Variants in CCNY observed in about 807,000 individuals in gnomAD.
CCNY encodes cyclin-Y.
In CCNY, 19 loss-of-function variants were observed where a neutral mutation model predicts 42.8. The ratio of observed to expected loss-of-function variants is 0.44; its 90% CI spans 0.31 to 0.65. The LOEUF (loss-of-function observed/expected upper bound fraction) is 0.65. CCNY is among the 30% of genes least tolerant of loss of function. CCNY has a pLI of 0.07. For synonymous variants in CCNY, 165 were observed against 162.7 expected, an observed-to-expected ratio of 1.01 and a Z score of -0.11; for missense variants, 370 against 437.3, an observed-to-expected ratio of 0.85 and a Z score of 1.37.
chr10:35,286,972 G>A (rs1835362217), intron 3 of CCNY, among the ~76,000 whole-genome samples: 1 of 152,184 alleles, frequency 6.6e-6, no homozygotes, highest in Admixed American at 6.5e-5. Context: ...ATTTTTGAAG[G>A]TGTCCTTTCT....
chr10:35,411,806 A>G (rs1181132999), intron 1 of CCNY, among the ~76,000 whole-genome samples: 1 of 152,246 alleles, frequency 6.6e-6, no homozygotes. Flanking sequence ...TTCTAGCACC[A>G]CATTTGAAGA....
At chr10:35,469,803 T>C (rs548935991) in intron 1 of CCNY, among the ~76,000 whole-genome samples, 5 of 77,856 alleles carry the variant, frequency 6.4e-5, no homozygotes, top group Admixed American at 5.2e-4. Context: ...GAGACAGATA[T>C]GGAGATGGAG....
intron 5 of CCNY, among the ~76,000 whole-genome samples, chr10:35,526,525 A>G (rs1036940367): frequency 2.6e-5 from 4 of 152,246 alleles, no homozygotes; most frequent in Non-Finnish European, 4.4e-5. Flanking sequence ...TTTTATTTCA[A>G]CATAAAACAT....
At chr10:35,460,885 G>A (rs1225647808) in intron 1 of CCNY, among the ~76,000 whole-genome samples, 1 of 152,184 alleles carries the variant, frequency 6.6e-6, no homozygotes, top group Non-Finnish European at 1.5e-5. Flanking sequence ...GCACTGTACT[G>A]TGTCTAAGAT....
rs1841668955 is a variant in CCNY at position 35,570,691 on chromosome 10, T to G, written c.*1521T>G. ...GTTTCACCTTCTTCCCATGTGAGCTTGGAAAACTTTGGCATCTTAATTAGT... is the reference window on the plus strand; with the variant it reads ...GTTTCACCTTCTTCCCATGTGAGCTGGGAAAACTTTGGCATCTTAATTAGT... On this transcript the variant is annotated 3_prime_UTR_variant, in exon 10 of 10. Coordinates refer to ENST00000374704, the MANE Select transcript of CCNY (RefSeq NM_145012.6). 1 of 152,356 alleles carries G rather than the reference T, an allele frequency of 6.6e-6. No individual in the cohort carries two copies. The highest frequency in any genetic ancestry group is 2.4e-5 in the African/African-American group (1 of 41,464). The allele number at this position is 152,356 out of a possible 1,614,324, so 9.4% of individuals were successfully genotyped here.
intron 3 of CCNY, among the ~76,000 whole-genome samples, chr10:35,272,034 T>C (rs1815420056): frequency 6.6e-6 from 1 of 152,206 alleles, no homozygotes; most frequent in Admixed American, 6.5e-5. Context: ...CGCTCCAGGC[T>C]GGAGTGCAGT....
At chr10:35,392,686 G>T (rs1208217481) in intron 1 of CCNY, among the ~76,000 whole-genome samples, 1 of 152,190 alleles carries the variant, frequency 6.6e-6, no homozygotes, top group African/African-American at 2.4e-5. Context: ...GCTGGGCCTT[G>T]AATGCCAGGC....
chr10:35,338,371 G>A (rs1468350849), intron 1 of CCNY, among the ~76,000 whole-genome samples: 1 of 152,202 alleles, frequency 6.6e-6, no homozygotes, highest in Non-Finnish European at 1.5e-5. Context: ...CATGTATAAA[G>A]GGAGTAACAC....
chr10:35,428,824 A>G (rs867977239), intron 1 of CCNY, among the ~76,000 whole-genome samples: 3 of 152,278 alleles, frequency 2.0e-5, no homozygotes, highest in East Asian at 1.9e-4. Flanking sequence ...GGTTTGTGCA[A>G]TGGGATGATG....
intron 3 of CCNY, among the ~76,000 whole-genome samples, chr10:35,502,518 A>G (rs1840131484): frequency 6.6e-6 from 1 of 152,108 alleles, no homozygotes; most frequent in Non-Finnish European, 1.5e-5. Context: ...GGGCCCTTAC[A>G]CTCAAGGGAC....
At chr10:35,379,323 C>T (rs1837125644) in intron 1 of CCNY, among the ~76,000 whole-genome samples, 1 of 152,280 alleles carries the variant, frequency 6.6e-6, no homozygotes, top group African/African-American at 2.4e-5. Flanking sequence ...GAACTTCCTG[C>T]AAGTGCCAAA....
intron 1 of CCNY, among the ~76,000 whole-genome samples, chr10:35,339,835 T>C (rs1836134786): frequency 6.6e-6 from 1 of 152,232 alleles, no homozygotes; most frequent in Admixed American, 6.5e-5. Context: ...GTCTTTTTGC[T>C]CAGTTTATCT....
At chr10:35,386,569 A>G (rs1012587702) in intron 1 of CCNY, among the ~76,000 whole-genome samples, 1 of 152,184 alleles carries the variant, frequency 6.6e-6, no homozygotes, top group African/African-American at 2.4e-5. Flanking sequence ...CTTTTACAAT[A>G]TGAGAATGCA....
At chr10:35,438,149 CTTTT>C (rs375497545) in intron 1 of CCNY, among the ~76,000 whole-genome samples, 1 of 137,686 alleles carries the variant, frequency 7.3e-6, no homozygotes, top group Non-Finnish European at 1.6e-5. Flanking sequence ...CTTCAGAGTT[CTTTT>C]TTTTTTTTTT....
chr10:35,322,970 AGGCTGGAGTACAGTGGTGTGAGCTT>A (rs1564368643), intron 3 of CCNY, among the ~76,000 whole-genome samples: 1 of 152,180 alleles, frequency 6.6e-6, no homozygotes. Context: ...TCTGTCGCTC[AGGCTGGAGTACAGTGGTGTGAGCTT>A]GGCTCAGTCT....
At chr10:35,325,063 G>A (rs1299731229) in intron 3 of CCNY, among the ~76,000 whole-genome samples, 1 of 152,140 alleles carries the variant, frequency 6.6e-6, no homozygotes. Context: ...TAAATTAACT[G>A]CAGACATTTT....
At chr10:35,492,640 T>C (rs545525508) in intron 2 of CCNY, among the ~76,000 whole-genome samples, 1 of 152,340 alleles carries the variant, frequency 6.6e-6, no homozygotes, top group South Asian at 2.1e-4. Flanking sequence ...ACTGTGCCTT[T>C]CACATTCCGC....
At chr10:35,419,372 A>AT (rs2135260621) in intron 1 of CCNY, among the ~76,000 whole-genome samples, 1 of 152,228 alleles carries the variant, frequency 6.6e-6, no homozygotes, top group South Asian at 2.1e-4. Flanking sequence ...TTTTAGAGGT[A>AT]TTGAAACCCT....
intron 7 of CCNY, among the ~76,000 whole-genome samples, chr10:35,540,980 A>AT (rs201906194): frequency 1.3e-5 from 2 of 151,344 alleles, no homozygotes; most frequent in Admixed American, 1.3e-4. Flanking sequence ...AGTTTCATTG[A>AT]TTTTCTCTCG....
Sources: allele counts gnomAD v4.1 joint callset (sites outside exome capture counted in the v4.1 genomes callset), GRCh38; gene constraint gnomAD v4.1.1; transcripts MANE v1.5; gene names NCBI Gene and HGNC (gene_info 2026-07-23, HGNC 2026-07-21).